Variants in NOX5 observed in about 807,000 individuals in gnomAD.
NOX5 encodes the protein NADPH oxidase 5, also known as NADPH oxidase, EF-hand calcium binding domain 5.
A neutral mutation model predicts 85.7 loss-of-function variants in NOX5; 76 were observed. That is an observed-to-expected ratio of 0.89 (90% CI 0.74 to 1.07). NOX5 has a LOEUF of 1.07. NOX5 is among the 50% of genes least tolerant of loss of function. The pLI, the probability that NOX5 is intolerant of heterozygous loss-of-function variation, is 0.00. For synonymous variants in NOX5, 405 were observed against 401.4 expected, an observed-to-expected ratio of 1.01 and a Z score of -0.11; for missense variants, 973 against 999.5, an observed-to-expected ratio of 0.97 and a Z score of 0.36.
chr15:69,047,955 T>G, intron 13 of NOX5, 44 bp downstream of exon 13: 1 of 1,564,742 alleles, frequency 6.4e-7, no homozygotes, highest in African/African-American at 1.4e-5. Context: ...CCTTCTCCCC[T>G]GGACAACTCC....
At chr15:69,048,527 T>C (rs893567850) in intron 13 of NOX5, among the ~76,000 whole-genome samples, 4 of 151,878 alleles carry the variant, frequency 2.6e-5, no homozygotes, top group African/African-American at 9.7e-5. Flanking sequence ...AGTGAGACTC[T>C]GTCTCAAAAA....
At chr15:69,047,990 G>A in intron 13 of NOX5, 79 bp downstream of exon 13, 1 of 1,292,590 alleles carries the variant, frequency 7.7e-7, no homozygotes. Flanking sequence ...ATCCTCCTGT[G>A]CAAAGGTGGG....
Position 69,028,272 on chromosome 15 carries a change from A to T in NOX5, c.232A>T (p.Thr78Ser). ...TGACTCCGATAGAAGTGGCACCATC[A>T]CCCTCCAGGAGCTGCAGGAGGCACT... ...LFDSDRSGTI[T>S]LQELQEALTL... The change falls in exon 3 of 16, where the codon ACC becomes TCC. Residue 78 changes from threonine (T) to serine (S), a missense_variant. Physicochemically the swap from Thr to Ser is moderately conservative, Grantham distance 58. Coordinates refer to ENST00000388866, the MANE Select transcript of NOX5 (RefSeq NM_024505.4). 2 of 1,613,062 alleles carry T rather than the reference A, an allele frequency of 1.2e-6. No individual in the cohort carries two copies. Among genetic ancestry groups the T allele is most frequent in the Non-Finnish European group, 1.7e-6 (2 of 1,179,582 alleles).
At chr15:69,028,572 TCTGGGG>T (rs997768586) in intron 3 of NOX5, 1 of 394,142 alleles carries the variant, frequency 2.5e-6, no homozygotes, top group African/African-American at 2.1e-5. Context: ...TGCCCCCCTT[TCTGGGG>T]CAGCAGGGAG....
chr15:69,040,952 G>A (rs1487628830), intron 9 of NOX5, among the ~76,000 whole-genome samples: 3 of 152,162 alleles, frequency 2.0e-5, no homozygotes, highest in Non-Finnish European at 4.4e-5. Flanking sequence ...CCAAAGTGCT[G>A]GGATTACAGG....
intron 1 of NOX5, among the ~76,000 whole-genome samples, chr15:69,025,950 C>T (rs915737526): frequency 6.6e-6 from 1 of 152,172 alleles, no homozygotes; most frequent in Non-Finnish European, 1.5e-5. Context: ...CATCTTGTAT[C>T]ACAAGCATTT....
rs1359020899 is a variant in NOX5, at chr15:69,057,389, A to G, written c.*693A>G. ...TGATGATCTGGGAATGAAACCTGAA[A>G]TATGTATTTTCCACCAAATCCATTT... is the stretch of plus-strand genomic sequence containing the variant. On this transcript the variant is annotated 3_prime_UTR_variant, in exon 16 of 16. Transcript: ENST00000388866. 2 of 152,244 alleles carry G rather than the reference A, an allele frequency of 1.3e-5. No individual in the cohort carries two copies. Among genetic ancestry groups the G allele is most frequent in the African/African-American group, 4.8e-5 (2 of 41,458 alleles). The allele number at this position is 152,244 out of a possible 1,614,324, so 9.4% of individuals were successfully genotyped here. A position where few individuals can be genotyped will look rare whatever the true frequency, so the allele number is the denominator to read the frequency against.
Position 69,045,582 on chromosome 15 carries a change from TTTTC to T in NOX5, c.1648-1224_1648-1221del, listed in dbSNP as rs750786854. On this transcript the variant is annotated intron_variant, in intron 10 of 15. Transcript: ENST00000388866. ...TTTCTTTCTTTCTTCCCTTTCTTTC[TTTTC>T]TTTCTTTCTTTCTTTTTTTTTTCTC... Among the ~76,000 whole-genome samples, 442 of 44,204 alleles carry T rather than the reference TTTTC, an allele frequency of 1.0e-2. 5 individuals are homozygous for T. Among genetic ancestry groups the T allele is most frequent in the Non-Finnish European group, 0.014 (325 of 24,062 alleles). 29.0% of individuals were successfully genotyped at this position (44,204 alleles called of 152,430 possible). A position where few individuals can be genotyped will look rare whatever the true frequency, so the allele number is the denominator to read the frequency against.
rs1478458732 is a variant in NOX5 at position 69,060,585 on chromosome 15, A to G, written c.*3889A>G. 2.6e-5 allele frequency: 4 copies of G among 152,342 alleles called. No homozygotes were observed. The highest frequency in any genetic ancestry group is 9.6e-5 in the African/African-American group (4 of 41,576). The allele number at this position is 152,342 out of a possible 1,614,324, so 9.4% of individuals were successfully genotyped here. On this transcript the variant is annotated 3_prime_UTR_variant, in exon 16 of 16. Transcript: ENST00000388866. ...TGGGAATGGAGGGATACAATGAAGG[A>G]AAGGATTTTGTGTTTTTGTTTTTGT...
intron 9 of NOX5, among the ~76,000 whole-genome samples, chr15:69,040,910 ACTC>A (rs1205276422): frequency 2.6e-5 from 4 of 151,536 alleles, no homozygotes; most frequent in African/African-American, 9.7e-5. Context: ...CTGGTCTTGA[ACTC>A]CTGACCTCAG....
Position 69,061,884 on chromosome 15 carries a change from A to G in NOX5, c.*5188A>G, listed in dbSNP as rs1315533699. 6.6e-6 allele frequency: 1 copy of G among 152,208 alleles called. No homozygotes were observed. The highest frequency in any genetic ancestry group is 1.5e-5 in the Non-Finnish European group (1 of 68,034). The allele number at this position is 152,208 out of a possible 1,614,324, so 9.4% of individuals were successfully genotyped here. A position where few individuals can be genotyped will look rare whatever the true frequency, so the allele number is the denominator to read the frequency against. Reference sequence around the variant, plus strand: ...GGATGCATTTTTTGGTAAAGGAAAAAAAAATTCTGAGATTTACCCAAATTT... The same window carrying G: ...GGATGCATTTTTTGGTAAAGGAAAAGAAAATTCTGAGATTTACCCAAATTT... On this transcript the variant is annotated 3_prime_UTR_variant, in exon 16 of 16. Transcript: ENST00000388866.
Position 69,035,370 on chromosome 15 carries a change from G to A in NOX5, c.872G>A (p.Arg291His), listed in dbSNP as rs763277517. 1.6e-5 allele frequency: 26 copies of A among 1,613,930 alleles called. No homozygotes were observed. Among genetic ancestry groups the A allele is most frequent in the East Asian group, 2.2e-5 (1 of 44,894 alleles). The stretch of plus-strand genomic sequence containing the variant: ...CCTGGCCAGGTGCTGATGCTCAGAC[G>A]CTGCCTCACCTGGCTGCGGGCCACG... ...CSFIAVLMLR[R>H]CLTWLRATWL... Residue 291 changes from arginine to histidine, a missense_variant, in exon 6 of 16, where the codon CGC (arginine) becomes CAC (histidine). Physicochemically the swap from Arg to His is conservative, Grantham distance 29. Coordinates refer to ENST00000388866, the MANE Select transcript of NOX5 (RefSeq NM_024505.4).
At chr15:69,045,572 C>CTTTCTTT (rs748316277) in intron 10 of NOX5, among the ~76,000 whole-genome samples, 8 of 10,418 alleles carry the variant, frequency 7.7e-4, no homozygotes, top group Admixed American at 1.0e-3. Flanking sequence ...TTCTTTCTTC[C>CTTTCTTT]CTTTCTTTCT....
chr15:69,016,032 C>T (rs2050228109), intron 1 of NOX5, among the ~76,000 whole-genome samples: 2 of 152,174 alleles, frequency 1.3e-5, no homozygotes, highest in South Asian at 2.1e-4. Flanking sequence ...GTTGAAGCCA[C>T]GAGGGATGAG....
chr15:69,028,881 A>C (rs1380354366), intron 3 of NOX5: 1 of 151,906 alleles, frequency 6.6e-6, no homozygotes, highest in Non-Finnish European at 1.5e-5. Flanking sequence ...CCCATTTTTT[A>C]ATGGGATTTT....
Position 69,055,417 on chromosome 15 carries a change from G to C in NOX5, c.2083G>C (p.Asp695His). 6.2e-7 allele frequency: 1 copy of C among 1,614,204 alleles called. No homozygotes were observed. Among genetic ancestry groups the C allele is most frequent in the Admixed American group, 1.7e-5 (1 of 60,030 alleles). ...MKAIGLQMAL[D>H]LLANKEKKDS... ...GGCCATTGGCCTGCAGATGGCCCTT[G>C]ACCTCCTGGCCAACAAGGAGAAGAA... The change falls in exon 15 of 16, where the codon GAC becomes CAC. Residue 695 changes from aspartate to histidine, a missense_variant. Physicochemically the swap from Asp to His is moderately conservative, Grantham distance 81 (BLOSUM62 -1). Transcript: ENST00000388866.
chr15:69,043,866 A>T (rs1428680069), intron 10 of NOX5, among the ~76,000 whole-genome samples: 2 of 151,974 alleles, frequency 1.3e-5, no homozygotes, highest in Non-Finnish European at 2.9e-5. Context: ...ACACCCAGCA[A>T]CTCCATTTTA....
intron 15 of NOX5, 90 bp downstream of exon 15, chr15:69,055,590 G>A (rs1409917993): frequency 7.6e-6 from 11 of 1,456,198 alleles, no homozygotes; most frequent in Non-Finnish European, 4.7e-6. Flanking sequence ...AAGCTGTCAG[G>A]GGCAAAGTGT....
chr15:69,031,728 C>T lies in NOX5; in HGVS notation c.536C>T (p.Ala179Val), dbSNP rs1297717831. 28 of 1,612,690 alleles carry T rather than the reference C, an allele frequency of 1.7e-5. No homozygotes were observed. Among genetic ancestry groups the T allele is most frequent in the Non-Finnish European group, 2.2e-5 (26 of 1,179,648 alleles). Reference protein sequence around the residue: ...LTLALFESADADGNGAITFEE... With the variant: ...LTLALFESADVDGNGAITFEE... ...CTGGCGCTCTTCGAATCGGCCGACG[C>T]GGACGGCAACGGGGCCATCACCTTC... Residue 179 changes from alanine (A) to valine (V), a missense_variant, in exon 4 of 16, where the codon GCG (alanine) becomes GTG (valine). Transcript: ENST00000388866.
Sources: gnomAD v4.1 joint callset for allele counts (sites outside exome capture counted in the v4.1 genomes callset) on GRCh38, gnomAD v4.1.1 for gene constraint, MANE v1.5 for transcripts, NCBI Gene and HGNC (gene_info 2026-07-23, HGNC 2026-07-21) for gene names.